The following AGAP1 variants were observed in gnomAD, a reference collection of about 807,000 sequenced individuals.
AGAP1 encodes the protein arf-GAP with GTPase, ANK repeat and PH domain-containing protein 1.
A neutral mutation model predicts 105.3 loss-of-function variants in AGAP1; 29 were observed. That is an observed-to-expected ratio of 0.28 (90% confidence interval 0.21 to 0.38). The LOEUF is 0.38. AGAP1 is among the 10% of genes least tolerant of loss of function. The probability of loss-of-function intolerance (pLI) is 1.00; values close to 1 mark genes in which losing one functional copy is unlikely to be tolerated. For missense variants in AGAP1, 998 were observed against 1,165.1 expected (o/e 0.86, Z 2.09); for synonymous variants, 509 against 485.9 (o/e 1.05, Z -0.63).
At chr2:235,646,270 CAAAAAAA>C (rs3056061) in intron 1 of AGAP1, among the ~76,000 whole-genome samples, 3 of 112,970 alleles carry the variant, frequency 2.7e-5, no homozygotes, top group East Asian at 2.5e-4. Flanking sequence ...ACTCTGTCTC[CAAAAAAA>C]AAAAAAAAAA....
At position 235,614,107 on chromosome 2, in the gene AGAP1, G is replaced by A. The variant is rs1429536904; in HGVS notation, c.164-95072G>A. 1.3e-5 allele frequency among the ~76,000 whole-genome samples: 2 copies of A among 151,616 alleles called. No homozygotes were observed. The highest frequency in any genetic ancestry group is 2.4e-5 in the African/African-American group (1 of 41,228). ...TTCATATATTGATTCACCAAATATT[G>A]ATTGTACATCTGCGAATGTGCTAGA... On this transcript the variant is annotated intron_variant, in intron 1 of 17. Coordinates refer to ENST00000304032, the MANE Select transcript of AGAP1 (RefSeq NM_001037131.3). This position sits in a 1 kb window ranked among gnomAD's most constrained non-coding sequence, Gnocchi z 4.7.
In AGAP1 at chr2:235,722,150, C is replaced by T. The variant is rs10174781; in HGVS notation, c.310+4506C>T. On this transcript the variant is annotated intron_variant, in intron 3 of 17. Coordinates refer to ENST00000304032, the MANE Select transcript of AGAP1 (RefSeq NM_001037131.3). ...TAGACAGATTCCTTAATTGGGTGTG[C>T]GTGCTCACACGTGTGTGTGCACATC... Among the ~76,000 whole-genome samples the T allele has an allele frequency of 2.5e-3, 377 of 152,250 alleles. 1 individual carries two copies. Among genetic ancestry groups the T allele is most frequent in the African/African-American group, 8.8e-3 (364 of 41,536 alleles).
chr2:235,700,821 G>C lies in AGAP1; in HGVS notation c.164-8358G>C, dbSNP rs969905074. ...TCTCTGTCTCTCTCTCTCTCTCTCT[G>C]TGTATATATAGTATATATTATATAT... is the stretch of plus-strand genomic sequence containing the variant. On this transcript the variant is annotated intron_variant, in intron 1 of 17. Transcript: ENST00000304032. This position sits in a 1 kb window ranked among gnomAD's most constrained non-coding sequence, Gnocchi z 6.1. 6.7e-6 allele frequency among the ~76,000 whole-genome samples: 1 copy of C among 148,732 alleles called. No homozygotes were observed. The highest frequency in any genetic ancestry group is 2.5e-5 in the African/African-American group (1 of 40,582).
chr2:236,012,087 C>T lies in AGAP1; in HGVS notation c.1646-24474C>T, dbSNP rs2123512. Among the ~76,000 whole-genome samples, 95,234 of 151,982 alleles carry T rather than the reference C, an allele frequency of 0.63. 30,600 individuals carry two copies. The highest frequency in any genetic ancestry group is 0.8 in the South Asian group (3,856 of 4,792). On this transcript the variant is annotated intron_variant, in intron 13 of 17. Transcript: ENST00000304032. This position sits in a 1 kb window ranked among gnomAD's most constrained non-coding sequence, Gnocchi z 4.9. ...GACCTTGGTATCAGCTAGAAAACAT[C>T]CATTTGTTTAAGGGGAAGAAACAGG...
intron 13 of AGAP1, among the ~76,000 whole-genome samples, chr2:236,023,129 A>G (rs2056938730): frequency 6.6e-6 from 1 of 152,206 alleles, no homozygotes; most frequent in Non-Finnish European, 1.5e-5. Context: ...ACCACAAGGT[A>G]GCGAGTATAT....
intron 1 of AGAP1, among the ~76,000 whole-genome samples, chr2:235,560,925 A>G (rs995414024): frequency 2.6e-5 from 4 of 152,242 alleles, no homozygotes; most frequent in African/African-American, 4.8e-5. Flanking sequence ...CTCAGGTCAC[A>G]GCCAGATGCT....
At chr2:236,086,050 C>T (rs2058919767) in intron 16 of AGAP1, among the ~76,000 whole-genome samples, 1 of 152,252 alleles carries the variant, frequency 6.6e-6, no homozygotes. Context: ...CCTGATCTTC[C>T]TTTTTGCCCT....
At position 235,787,203 on chromosome 2, in the gene AGAP1, C is replaced by T. The variant is rs1956697828; in HGVS notation, c.674-10556C>T. On this transcript the variant is annotated intron_variant, in intron 6 of 17. Coordinates refer to ENST00000304032, the MANE Select transcript of AGAP1 (RefSeq NM_001037131.3). The surrounding 1 kb of genome is among the most constrained non-coding windows in gnomAD (Gnocchi z 4.4). ...TTGAGCTAGCAGGGGCCGCCTCTAC[C>T]CTTGGCTGCTGCTTCCAAACCATGT... Among the ~76,000 whole-genome samples the T allele has an allele frequency of 6.6e-6, 1 of 152,226 alleles. No individual in the cohort carries two copies. The highest frequency in any genetic ancestry group is 2.4e-5 in the African/African-American group (1 of 41,462).
At chr2:235,942,833 C>T (rs1428310454) in intron 12 of AGAP1, among the ~76,000 whole-genome samples, 2 of 152,054 alleles carry the variant, frequency 1.3e-5, no homozygotes, top group South Asian at 4.1e-4. Context: ...TCTTGACTAT[C>T]CTAGCTTCAA....
rs1008887158 is a variant in AGAP1, at chr2:235,517,305, G to A, written c.163+22456G>A. Among the ~76,000 whole-genome samples, 2 of 152,178 alleles carry A rather than the reference G, an allele frequency of 1.3e-5. No homozygotes were observed. Among genetic ancestry groups the A allele is most frequent in the African/African-American group, 4.8e-5 (2 of 41,462 alleles). On this transcript the variant is annotated intron_variant, in intron 1 of 17. Coordinates refer to ENST00000304032, the MANE Select transcript of AGAP1 (RefSeq NM_001037131.3). This position sits in a 1 kb window ranked among gnomAD's most constrained non-coding sequence, Gnocchi z 4.1. Reference sequence around the variant, plus strand: ...CAGCGACAGTCACCTTGGGGTGTGAGCCTCTGCAGAGGAATTTGGGGGATA... The same window carrying A: ...CAGCGACAGTCACCTTGGGGTGTGAACCTCTGCAGAGGAATTTGGGGGATA...
At position 235,931,210 on chromosome 2, in the gene AGAP1, A is replaced by ACCCAGGGT. The variant is rs2052704797; in HGVS notation, c.1483+289_1483+296dup. The stretch of plus-strand genomic sequence containing the variant: ...AGGCGGCAGACAGGGCAACTGGCTT[A>ACCCAGGGT]CCCAGGGTCACGTGACAGAAGTGGC... On this transcript the variant is annotated intron_variant, in intron 12 of 17. Coordinates refer to ENST00000304032, the MANE Select transcript of AGAP1 (RefSeq NM_001037131.3). This position sits in a 1 kb window ranked among gnomAD's most constrained non-coding sequence, Gnocchi z 5.6. Among the ~76,000 whole-genome samples the ACCCAGGGT allele has an allele frequency of 6.6e-6, 1 of 152,150 alleles. No homozygotes were observed. The highest frequency in any genetic ancestry group is 2.4e-5 in the African/African-American group (1 of 41,442).
chr2:235,740,135 G>T lies in AGAP1; in HGVS notation c.311-828G>T, dbSNP rs902206293. Among the ~76,000 whole-genome samples the T allele has an allele frequency of 6.6e-6, 1 of 152,176 alleles. No individual in the cohort carries two copies. The highest frequency in any genetic ancestry group is 1.5e-5 in the Non-Finnish European group (1 of 68,022). ...CATTGGAGAAGGCAGAGGAGCCAGG[G>T]TGGAATCCTTCCCGCTGCCCAGCAG... On this transcript the variant is annotated intron_variant, in intron 3 of 17. Transcript: ENST00000304032. The surrounding 1 kb of genome is among the most constrained non-coding windows in gnomAD (Gnocchi z 5.7).
chr2:235,579,726 A>T (rs1450280947), intron 1 of AGAP1, among the ~76,000 whole-genome samples: 1 of 151,870 alleles, frequency 6.6e-6, no homozygotes, highest in African/African-American at 2.4e-5. Context: ...CAGTGAGTGG[A>T]GATGGCACCA....
Position 235,927,421 on chromosome 2 carries a change from A to C in AGAP1, c.1325-3344A>C, listed in dbSNP as rs993341405. 6.6e-6 allele frequency among the ~76,000 whole-genome samples: 1 copy of C among 152,186 alleles called. No homozygotes were observed. The highest frequency in any genetic ancestry group is 1.9e-4 in the East Asian group (1 of 5,194). ...TCCTTGTATTTTGATGGACAGACAG[A>C]AGTTTGAAAACCAGTACATTCACAG... On this transcript the variant is annotated intron_variant, in intron 11 of 17. Coordinates refer to ENST00000304032, the MANE Select transcript of AGAP1 (RefSeq NM_001037131.3). This position sits in a 1 kb window ranked among gnomAD's most constrained non-coding sequence, Gnocchi z 4.4.
At chr2:236,103,438 C>G (rs1018811970) in intron 16 of AGAP1, among the ~76,000 whole-genome samples, 2 of 152,210 alleles carry the variant, frequency 1.3e-5, no homozygotes, top group East Asian at 3.9e-4. Context: ...CTCCCCGCCC[C>G]CCACCTCAGC....
Position 235,793,818 on chromosome 2 carries a change from T to A in AGAP1, c.674-3941T>A, listed in dbSNP as rs1179707668. On this transcript the variant is annotated intron_variant, in intron 6 of 17. Coordinates refer to ENST00000304032, the MANE Select transcript of AGAP1 (RefSeq NM_001037131.3). This position sits in a 1 kb window ranked among gnomAD's most constrained non-coding sequence, Gnocchi z 5.3. Reference sequence around the variant, plus strand: ...GGCATTATGTCAGGATTTAATGAAGTCTTGTTTGGGAGCTGTTGTCTTATT... The same window carrying A: ...GGCATTATGTCAGGATTTAATGAAGACTTGTTTGGGAGCTGTTGTCTTATT... Among the ~76,000 whole-genome samples, 1 of 152,154 alleles carries A rather than the reference T, an allele frequency of 6.6e-6. No homozygotes were observed. Among genetic ancestry groups the A allele is most frequent in the Non-Finnish European group, 1.5e-5 (1 of 68,020 alleles).
intron 9 of AGAP1, among the ~76,000 whole-genome samples, chr2:235,828,517 C>T (rs1378370438): frequency 6.6e-6 from 1 of 152,108 alleles, no homozygotes; most frequent in African/African-American, 2.4e-5. Flanking sequence ...CCACGAGTCA[C>T]GTTTGTTCTA....
intron 9 of AGAP1, among the ~76,000 whole-genome samples, chr2:235,827,753 C>T (rs1160094320): frequency 6.6e-6 from 1 of 152,202 alleles, no homozygotes; most frequent in African/African-American, 2.4e-5. Context: ...TTTAACATAG[C>T]TTGCCCGTAC....
intron 1 of AGAP1, among the ~76,000 whole-genome samples, chr2:235,652,414 T>TC (rs540240208): frequency 8.9e-4 from 136 of 152,120 alleles, no homozygotes; most frequent in South Asian, 4.2e-3. Context: ...CCCATCAGCC[T>TC]CCAAGAGCCA....
Sources: allele counts gnomAD v4.1 joint callset (sites outside exome capture counted in the v4.1 genomes callset), GRCh38; gene constraint gnomAD v4.1.1; non-coding constraint Gnocchi (gnomAD v3.1); transcripts MANE v1.5; gene names NCBI Gene and HGNC (gene_info 2026-07-23, HGNC 2026-07-21).